Variants in FAM135A observed in about 807,000 individuals in gnomAD.
FAM135A encodes the protein protein FAM135A.
A neutral mutation model predicts 146.8 loss-of-function variants in FAM135A; 79 were observed. That is an observed-to-expected ratio of 0.54 (90% confidence interval 0.45 to 0.65). The LOEUF (loss-of-function observed/expected upper bound fraction) is 0.65, where lower values mean the gene tolerates loss of function less well. Ranked by LOEUF, FAM135A falls within the 30% of genes least tolerant of loss-of-function variation. The probability of loss-of-function intolerance (pLI) is 0.00; values close to 1 mark genes in which losing one functional copy is unlikely to be tolerated. For synonymous variants in FAM135A, 562 were observed against 603.6 expected (o/e 0.93, Z 1.01); for missense variants, 1,623 against 1,758.2 (o/e 0.92, Z 1.38).
At chr6:70,493,573 T>C (rs2128224696) in intron 11 of FAM135A, among the ~76,000 whole-genome samples, 1 of 152,322 alleles carries the variant, frequency 6.6e-6, no homozygotes, top group South Asian at 2.1e-4. Flanking sequence ...TGTATGTCTT[T>C]TTCAGGGATT....
intron 12 of FAM135A, chr6:70,504,361 A>G (rs1043235912): frequency 1.3e-5 from 2 of 151,940 alleles, no homozygotes; most frequent in Non-Finnish European, 2.9e-5. Flanking sequence ...GTCCTTTGTT[A>G]TGTGTTTTTA....
chr6:70,543,999 G>A (rs1436862710), intron 20 of FAM135A, among the ~76,000 whole-genome samples: 6 of 151,540 alleles, frequency 4.0e-5, no homozygotes, highest in Admixed American at 6.6e-5. Context: ...AAATAAACTC[G>A]TTTCCTTATT....
intron 12 of FAM135A, among the ~76,000 whole-genome samples, chr6:70,520,729 TTC>T (rs1465844838): frequency 6.6e-6 from 1 of 152,232 alleles, no homozygotes; most frequent in Non-Finnish European, 1.5e-5. Flanking sequence ...AAAAATTTTT[TTC>T]TGTCAAACTT....
chr6:70,414,659 A>T (rs1019857069), intron 1 of FAM135A, among the ~76,000 whole-genome samples: 5 of 152,142 alleles, frequency 3.3e-5, no homozygotes, highest in African/African-American at 9.7e-5. Context: ...CAATGTTTCT[A>T]GTTCATCTTC....
At chr6:70,459,048 A>G (rs965847068) in intron 5 of FAM135A, among the ~76,000 whole-genome samples, 3 of 152,184 alleles carry the variant, frequency 2.0e-5, no homozygotes, top group Admixed American at 1.3e-4. Flanking sequence ...TTGAACATAA[A>G]TAGCTTTATA....
intron 4 of FAM135A, among the ~76,000 whole-genome samples, chr6:70,448,265 C>T (rs939254900): frequency 6.6e-6 from 1 of 152,142 alleles, no homozygotes; most frequent in African/African-American, 2.4e-5. Context: ...GAACCTCTCC[C>T]TCCTTTGCCG....
chr6:70,502,624 TTTTCA>T lies in FAM135A; in HGVS notation c.874-6_874-2del, dbSNP rs763292275. On this transcript the variant is annotated splice_region_variant and splice_polypyrimidine_tract_variant and intron_variant, in intron 11 of 21. Transcript: ENST00000418814. ...TTGGGAAATAGTGAAATTTTTTTTCTTTTCATTTCAGAAAATAGAGAATCCTGATG... is the reference window on the plus strand; with the variant it reads ...TTGGGAAATAGTGAAATTTTTTTTCTTTTCAGAAAATAGAGAATCCTGATG... 2.5e-6 allele frequency: 4 copies of T among 1,599,400 alleles called. No individual in the cohort carries two copies. The highest frequency in any genetic ancestry group is 2.2e-5 in the East Asian group (1 of 44,668).
chr6:70,444,556 C>T (rs1775282262), intron 4 of FAM135A, among the ~76,000 whole-genome samples: 1 of 151,916 alleles, frequency 6.6e-6, no homozygotes, highest in Non-Finnish European at 1.5e-5. Context: ...CAGAGTGAGA[C>T]CTGTCTCAAT....
At chr6:70,472,006 C>CA (rs1302474367) in intron 5 of FAM135A, among the ~76,000 whole-genome samples, 1 of 151,974 alleles carries the variant, frequency 6.6e-6, no homozygotes, top group Non-Finnish European at 1.5e-5. Context: ...TTATAGAGTA[C>CA]AAAAATGAGC....
At chr6:70,538,484 G>A in intron 20 of FAM135A, 83 bp downstream of exon 20, 1 of 714,160 alleles carries the variant, frequency 1.4e-6, no homozygotes, top group Non-Finnish European at 2.0e-6. Flanking sequence ...TTATCAACAT[G>A]TCTTTCTAGT....
rs200281638 is a variant in FAM135A, at chr6:70,515,920, T to TA, written c.1030-6583dup. ...TTTTTCTGTAAACCTAAAACTGCTG[T>TA]AAAAAAAAAATAAAGTAACTTTTTA... On this transcript the variant is annotated intron_variant, in intron 12 of 21. Coordinates refer to ENST00000418814, the MANE Select transcript of FAM135A (RefSeq NM_001162529.3). Among the ~76,000 whole-genome samples the TA allele has an allele frequency of 4.6e-3, 690 of 149,332 alleles. 6 individuals carry two copies. Among genetic ancestry groups the TA allele is most frequent in the African/African-American group, 0.012 (477 of 40,752 alleles).
chr6:70,538,247 T>C (rs763079295), intron 19 of FAM135A, 44 bp from the exon 20 acceptor site: 23 of 1,119,312 alleles, frequency 2.1e-5, no homozygotes, highest in Middle Eastern at 2.2e-4. Flanking sequence ...CATATGTTTT[T>C]ATATATTTCA....
At position 70,526,766 on chromosome 6, in the gene FAM135A, TACACACACACACACAC is replaced by T. The variant is rs71538422; in HGVS notation, c.3614+90_3614+105del. The T allele has an allele frequency of 2.9e-4, 131 of 452,716 alleles. 1 individual carries two copies. Among genetic ancestry groups the T allele is most frequent in the African/African-American group, 1.1e-3 (45 of 40,290 alleles). 28.0% of individuals were successfully genotyped at this position (452,716 alleles called of 1,614,324 possible). The stretch of plus-strand genomic sequence containing the variant: ...ATATATATATACACACACACACACA[TACACACACACACACAC>T]ACACACACACACACACACACATATA... On this transcript the variant is annotated intron_variant, in intron 15 of 21. Coordinates refer to ENST00000418814, the MANE Select transcript of FAM135A (RefSeq NM_001162529.3).
chr6:70,478,835 T>A (rs955740988), intron 8 of FAM135A, among the ~76,000 whole-genome samples: 2 of 152,186 alleles, frequency 1.3e-5, no homozygotes, highest in African/African-American at 4.8e-5. Flanking sequence ...GGTGTTTTTT[T>A]ATTACATACA....
chr6:70,419,413 C>T (rs368578338), intron 2 of FAM135A, among the ~76,000 whole-genome samples: 2,857 of 54,142 alleles, frequency 0.053, 96 homozygotes, highest in African/African-American at 0.19. Flanking sequence ...AGCGAGACTT[C>T]GTCTCAAAAA....
At chr6:70,496,507 T>G (rs928043455) in intron 11 of FAM135A, among the ~76,000 whole-genome samples, 2 of 152,206 alleles carry the variant, frequency 1.3e-5, no homozygotes, top group African/African-American at 4.8e-5. Flanking sequence ...TTAGTTTAAT[T>G]AGATCCCATT....
intron 5 of FAM135A, among the ~76,000 whole-genome samples, chr6:70,460,291 A>G (rs1779184882): frequency 6.6e-6 from 1 of 152,230 alleles, no homozygotes; most frequent in Non-Finnish European, 1.5e-5. Flanking sequence ...TTCAAACAGT[A>G]TATTTAAAGC....
intron 5 of FAM135A, among the ~76,000 whole-genome samples, chr6:70,457,686 T>A (rs545777986): frequency 6.6e-6 from 1 of 152,196 alleles, no homozygotes; most frequent in Non-Finnish European, 1.5e-5. Context: ...AACTAAATAC[T>A]GGTTGGAAAG....
At chr6:70,450,713 GTTGTTTTTTTTTTTTTTTTTTT>G (rs1776840341) in intron 4 of FAM135A, among the ~76,000 whole-genome samples, 1 of 29,780 alleles carries the variant, frequency 3.4e-5, no homozygotes, top group Non-Finnish European at 9.8e-5. Flanking sequence ...GACCCTTTTA[GTTGTTTTTTTTTTTTTTTTTTT>G]TTTTTTTTTT....
Sources: gnomAD v4.1 joint callset for allele counts (sites outside exome capture counted in the v4.1 genomes callset) on GRCh38, gnomAD v4.1.1 for gene constraint, MANE v1.5 for transcripts, NCBI Gene and HGNC (gene_info 2026-07-23, HGNC 2026-07-21) for gene names.